Variants in NME8 observed in about 807,000 individuals in gnomAD.
The protein encoded by NME8 is NME/NM23 family member 8, also known as protein NME8.
In NME8, 72 loss-of-function variants were observed where a neutral mutation model predicts 82.3. The ratio of observed to expected loss-of-function variants is 0.87; its 90% confidence interval spans 0.72 to 1.06. The LOEUF is 1.06. Ranked by LOEUF, NME8 falls within the 50% of genes least tolerant of loss-of-function variation. The pLI is 0.00. For missense variants in NME8, 712 were observed against 685.4 expected (o/e 1.04, Z -0.43); for synonymous variants, 267 against 228.5 (o/e 1.17, Z -1.52).
intron 6 of NME8, among the ~76,000 whole-genome samples, chr7:37,858,132 T>C (rs1784540217): frequency 6.6e-6 from 1 of 152,166 alleles, no homozygotes; most frequent in African/African-American, 2.4e-5. Flanking sequence ...GTACAGTTAG[T>C]GCTAAATTGT....
At chr7:37,892,523 A>T (rs572846786) in intron 15 of NME8, among the ~76,000 whole-genome samples, 2 of 152,022 alleles carry the variant, frequency 1.3e-5, no homozygotes, top group African/African-American at 4.8e-5. Flanking sequence ...ATGTACACAC[A>T]CACACCTACA....
intron 16 of NME8, among the ~76,000 whole-genome samples, chr7:37,894,987 A>G (rs62444776): frequency 0.019 from 2,818 of 152,002 alleles, 50 homozygotes; most frequent in East Asian, 0.058. Flanking sequence ...CTTCGCCAAC[A>G]TACTTAATTG....
chr7:37,872,023 G>A (rs1476158178), intron 11 of NME8, among the ~76,000 whole-genome samples: 2 of 151,886 alleles, frequency 1.3e-5, no homozygotes, highest in African/African-American at 4.8e-5. Flanking sequence ...GGTCCCTAGG[G>A]CAGGAGAAGA....
In NME8 at chr7:37,883,981, ACACACC is replaced by A. The variant is rs1267390299; in HGVS notation, c.995-316_995-311del. On this transcript the variant is annotated intron_variant, in intron 12 of 17. Coordinates refer to ENST00000199447, the MANE Select transcript of NME8 (RefSeq NM_016616.5). The stretch of plus-strand genomic sequence containing the variant: ...ACTGTCTACACACACACACACACAC[ACACACC>A]CACACAATCACTCACATTCACATGC... Among the ~76,000 whole-genome samples, 619 of 151,064 alleles carry A rather than the reference ACACACC, an allele frequency of 4.1e-3. 4 individuals carry two copies. The highest frequency in any genetic ancestry group is 0.014 in the African/African-American group (579 of 40,982).
chr7:37,883,939 G>T (rs1429883807), intron 12 of NME8, among the ~76,000 whole-genome samples: 3 of 151,092 alleles, frequency 2.0e-5, no homozygotes, highest in African/African-American at 7.3e-5. Flanking sequence ...TAATTGTGTT[G>T]GTTGATTATT....
chr7:37,887,417 A>T (rs1785059339), intron 14 of NME8, among the ~76,000 whole-genome samples: 2 of 152,204 alleles, frequency 1.3e-5, no homozygotes, highest in Admixed American at 1.3e-4. Context: ...GCATTATCAC[A>T]TGGTGAAAGC....
At chr7:37,855,134 G>A (rs1784493140) in intron 5 of NME8, among the ~76,000 whole-genome samples, 1 of 152,132 alleles carries the variant, frequency 6.6e-6, no homozygotes, top group Admixed American at 6.6e-5. Flanking sequence ...TTGGAGACAA[G>A]TAGATCATTT....
chr7:37,877,797 T>C (rs1209319038), intron 12 of NME8, among the ~76,000 whole-genome samples: 1 of 152,060 alleles, frequency 6.6e-6, no homozygotes, highest in African/African-American at 2.4e-5. Context: ...ATACCCCCCT[T>C]CCCCTCTGCC....
intron 5 of NME8, among the ~76,000 whole-genome samples, chr7:37,853,878 G>T (rs9691460): frequency 0.27 from 41,106 of 150,492 alleles, 5,796 homozygotes; most frequent in African/African-American, 0.35. Context: ...TATATATAGA[G>T]AGAGGCATAT....
chr7:37,880,935 C>T (rs1420419928), intron 12 of NME8, among the ~76,000 whole-genome samples: 1 of 152,018 alleles, frequency 6.6e-6, no homozygotes, highest in East Asian at 1.9e-4. Flanking sequence ...TCCAATTGCT[C>T]ATTTCTGGTA....
intron 5 of NME8, among the ~76,000 whole-genome samples, chr7:37,853,723 G>C (rs1377632647): frequency 6.6e-6 from 1 of 152,098 alleles, no homozygotes; most frequent in Non-Finnish European, 1.5e-5. Context: ...GTTTTCTGCT[G>C]TTAATCAAGG....
At chr7:37,850,830 C>A in intron 5 of NME8, 95 bp downstream of exon 5, 2 of 806,258 alleles carry the variant, frequency 2.5e-6, no homozygotes, top group South Asian at 1.4e-5. Flanking sequence ...ATTTAAACAA[C>A]CTGTCAGTTC....
intron 11 of NME8, among the ~76,000 whole-genome samples, chr7:37,871,887 T>C (rs1178596221): frequency 6.6e-6 from 1 of 152,002 alleles, no homozygotes; most frequent in African/African-American, 2.4e-5. Context: ...ATTTCCGGGA[T>C]CAGGGAAGTC....
intron 8 of NME8, 48 bp from the exon 9 acceptor site, chr7:37,864,300 T>A (rs758714010): frequency 6.4e-7 from 1 of 1,557,482 alleles, no homozygotes; most frequent in Non-Finnish European, 8.8e-7. Context: ...TTATCCAGAC[T>A]TCGTGCCAAG....
rs371745920 is a variant in NME8, at chr7:37,867,827, C to T, written c.747C>T (p.Asn249=). 266 of 1,613,844 alleles carry T rather than the reference C, an allele frequency of 1.6e-4. 3 individuals are homozygous for T. In the South Asian group the frequency reaches 2.1e-3, roughly 13 times the overall value. ...AACCACAGACTGACACCGAACCTAA[C>T]GAACGATCTGAGGATCAACCTGAGG... The part of the protein sequence containing the change: ...ETEPQTDTEP[N]ERSEDQPEVE... Residue 249 remains asparagine (N), a synonymous_variant, in exon 11 of 18, where the codon AAC becomes AAT. Transcript: ENST00000199447.
At chr7:37,866,325 G>A (rs1056149211) in intron 10 of NME8, among the ~76,000 whole-genome samples, 24 of 152,156 alleles carry the variant, frequency 1.6e-4, no homozygotes, top group African/African-American at 5.1e-4. Flanking sequence ...GAGCATGTAC[G>A]TCATCACATA....
chr7:37,885,221 G>A lies in NME8; in HGVS notation c.1216G>A (p.Val406Ile), dbSNP rs1032316700. 1 of 1,612,938 alleles carries A rather than the reference G, an allele frequency of 6.2e-7. No individual in the cohort carries two copies. ...GAAACAATTACTGGGACCAAGAACT[G>A]TTGAAGAAGCCATTGAATATTTTCC... ...YWKQLLGPRT[V>I]EEAIEYFPES... Residue 406 changes from valine (V) to isoleucine (I), a missense_variant, in exon 14 of 18, where the codon GTT becomes ATT. Physicochemically the swap from Val to Ile is conservative, Grantham distance 29. Transcript: ENST00000199447.
At chr7:37,877,834 A>G (rs1325322348) in intron 12 of NME8, among the ~76,000 whole-genome samples, 1 of 152,210 alleles carries the variant, frequency 6.6e-6, no homozygotes, top group African/African-American at 2.4e-5. Flanking sequence ...GACAACGTCA[A>G]AAATGTCTCT....
chr7:37,883,138 G>T (rs959971282), intron 12 of NME8, among the ~76,000 whole-genome samples: 2 of 152,050 alleles, frequency 1.3e-5, no homozygotes, highest in African/African-American at 4.8e-5. Flanking sequence ...TTAGCTTTAT[G>T]CAGATTTACC....
Sources: gnomAD v4.1 joint callset for allele counts (sites outside exome capture counted in the v4.1 genomes callset) on GRCh38, gnomAD v4.1.1 for gene constraint, MANE v1.5 for transcripts, NCBI Gene and HGNC (gene_info 2026-07-23, HGNC 2026-07-21) for gene names.